MPP4: variants seen among roughly 807,000 people sequenced by gnomAD.
The protein encoded by MPP4 is MAGUK p55 subfamily member 4.
A neutral mutation model predicts 98.3 loss-of-function variants in MPP4; 91 were observed. That is an observed-to-expected ratio of 0.93 (90% CI 0.78 to 1.10). The LOEUF (loss-of-function observed/expected upper bound fraction) is 1.10. Ranked by LOEUF, MPP4 falls within the 50% of genes least tolerant of loss-of-function variation. The probability of loss-of-function intolerance (pLI) is 0.00; values close to 1 mark genes in which losing one functional copy is unlikely to be tolerated. For missense variants in MPP4, 744 were observed against 792.9 expected (o/e 0.94, Z 0.74); for synonymous variants, 261 against 271.8 (o/e 0.96, Z 0.39).
At chr2:201,646,513 C>T (rs1233012946) in intron 21 of MPP4, among the ~76,000 whole-genome samples, 1 of 152,072 alleles carries the variant, frequency 6.6e-6, no homozygotes, top group Non-Finnish European at 1.5e-5. Context: ...TACAAAGTGA[C>T]CATACATATG....
At chr2:201,655,018 C>A (rs1453047168) in intron 17 of MPP4, 101 bp from the exon 18 acceptor site, 11 of 720,590 alleles carry the variant, frequency 1.5e-5, no homozygotes, top group Non-Finnish European at 2.2e-5. Context: ...AACTTGAGAG[C>A]AAATATTTTT....
rs536689491 is a variant in MPP4, at chr2:201,689,760, G to A, written c.279+442C>T. Among the ~76,000 whole-genome samples, 138 of 152,200 alleles carry A rather than the reference G, an allele frequency of 9.1e-4. 2 individuals carry two copies. Among genetic ancestry groups the A allele is most frequent in the African/African-American group, 3.1e-3 (129 of 41,536 alleles). On this transcript the variant is annotated intron_variant, in intron 4 of 21. Transcript: ENST00000409474. ...TCCAGAAGAGTGGGTGGGGGTGATC[G>A]GCAGGTGGGGAAGATCGGGAGCTCA... is the stretch of plus-strand genomic sequence containing the variant.
At chr2:201,688,311 G>T (rs576364880) in intron 4 of MPP4, among the ~76,000 whole-genome samples, 1 of 152,356 alleles carries the variant, frequency 6.6e-6, no homozygotes, top group South Asian at 2.1e-4. Flanking sequence ...TTCTCATGGA[G>T]TTTACATTCT....
chr2:201,669,704 A>T (rs1281138884), intron 12 of MPP4, 29 bp downstream of exon 12: 2 of 1,392,796 alleles, frequency 1.4e-6, no homozygotes, highest in Non-Finnish European at 1.9e-6. Context: ...TTTGGAGATA[A>T]GAGTTTTTTC....
chr2:201,673,780 T>C (rs1688414037), intron 11 of MPP4, among the ~76,000 whole-genome samples: 2 of 152,238 alleles, frequency 1.3e-5, no homozygotes, highest in Admixed American at 6.5e-5. Flanking sequence ...ATTTTTGGCT[T>C]GGAGAAGGGA....
chr2:201,696,378 T>C (rs915029654), intron 1 of MPP4, among the ~76,000 whole-genome samples: 1 of 152,108 alleles, frequency 6.6e-6, no homozygotes, highest in Non-Finnish European at 1.5e-5. Context: ...GGGTAGAAAA[T>C]TGAAAAGGGA....
chr2:201,687,247 A>G (rs778124586), intron 5 of MPP4, 44 bp downstream of exon 5: 2 of 1,467,760 alleles, frequency 1.4e-6, no homozygotes, highest in South Asian at 1.2e-5. Flanking sequence ...AACTTTGTCT[A>G]TGTGCCAGAT....
At chr2:201,670,281 T>G (rs1022284088) in intron 11 of MPP4, among the ~76,000 whole-genome samples, 44 of 152,138 alleles carry the variant, frequency 2.9e-4, no homozygotes, top group African/African-American at 8.2e-4. Context: ...CTAATTTTTT[T>G]GGGGGGAGGA....
rs1687530989 is a variant in MPP4 at position 201,645,330 on chromosome 2, C to G, written c.1794G>C (p.Val598=). 1.2e-6 allele frequency: 2 copies of G among 1,613,982 alleles called. No individual in the cohort carries two copies. The highest frequency in any genetic ancestry group is 1.7e-6 in the Non-Finnish European group (2 of 1,179,880). The change falls in exon 22 of 22, where the codon GTG becomes GTC. Residue 598 remains valine (V), a synonymous_variant. Transcript: ENST00000409474. The part of the protein sequence containing the change: ...ETQFGQFFDH[V]IVNDSLHDAC... ...CATCGTGCAAGCTGTCATTCACAAT[C>G]ACATGATCAAAAAATTGGCCAAACT...
At chr2:201,690,927 T>G (rs1369481220) in intron 3 of MPP4, among the ~76,000 whole-genome samples, 1 of 152,206 alleles carries the variant, frequency 6.6e-6, no homozygotes, top group Admixed American at 6.5e-5. Flanking sequence ...CCTGCCTAGC[T>G]CTGCAATGCA....
chr2:201,686,086 C>CT, intron 5 of MPP4, 36 bp from the exon 6 acceptor site: 1 of 1,604,190 alleles, frequency 6.2e-7, no homozygotes, highest in Non-Finnish European at 8.5e-7. Context: ...GCAAATGTCA[C>CT]ACATGGGCCA....
At chr2:201,692,458 C>T (rs949123033) in intron 3 of MPP4, among the ~76,000 whole-genome samples, 10 of 151,024 alleles carry the variant, frequency 6.6e-5, no homozygotes, top group South Asian at 2.1e-4. Flanking sequence ...GCAGGAGAAT[C>T]GCTTGAAGCT....
rs1687536682 is a variant in MPP4 at position 201,645,474 on chromosome 2, A to AT, written c.1720-71dup. The AT allele has an allele frequency of 2.3e-6, 3 of 1,283,652 alleles. No homozygotes were observed. The South Asian group carries it at 5.1e-5, about 22-fold the overall frequency. 79.5% of individuals were successfully genotyped at this position (1,283,652 alleles called of 1,614,324 possible). On this transcript the variant is annotated intron_variant, in intron 21 of 21. Coordinates refer to ENST00000409474, the MANE Select transcript of MPP4 (RefSeq NM_033066.3). Reference sequence around the variant, plus strand: ...ACAAATGGAAAAAATACAGTTTGTTATGCTGTCACATTCAGTTGTGAAACT... The same window carrying AT: ...ACAAATGGAAAAAATACAGTTTGTTATTGCTGTCACATTCAGTTGTGAAACT...
chr2:201,686,454 A>G (rs930547708), intron 5 of MPP4, among the ~76,000 whole-genome samples: 3 of 152,188 alleles, frequency 2.0e-5, no homozygotes, highest in African/African-American at 7.2e-5. Context: ...CAATCAAAAT[A>G]TCTTGCTGGT....
At position 201,680,819 on chromosome 2, in the gene MPP4, G is replaced by C; in HGVS notation, c.929+19C>G. 1 of 1,598,508 alleles carries C rather than the reference G, an allele frequency of 6.3e-7. No individual in the cohort carries two copies. Among genetic ancestry groups the C allele is most frequent in the East Asian group, 2.3e-5 (1 of 44,392 alleles). ...CCTGATGGTTCAGCCCTGAGTCCAG[G>C]AGTGGTGACGTTCCTTACCTCTTCA... On this transcript the variant is annotated intron_variant, in intron 10 of 21. Coordinates refer to ENST00000409474, the MANE Select transcript of MPP4 (RefSeq NM_033066.3).
chr2:201,686,779 C>T (rs1306865368), intron 5 of MPP4, among the ~76,000 whole-genome samples: 10 of 152,234 alleles, frequency 6.6e-5, no homozygotes, highest in African/African-American at 1.7e-4. Flanking sequence ...CAAATACAGA[C>T]ATTGTCTTAA....
Position 201,675,259 on chromosome 2 carries a change from T to A in MPP4, c.942A>T (p.Glu314Asp). The change falls in exon 11 of 22, where the codon GAA becomes GAT. Residue 314 changes from glutamate to aspartate, a missense_variant. Physicochemically the swap from Glu to Asp is conservative, Grantham distance 45. Coordinates refer to ENST00000409474, the MANE Select transcript of MPP4 (RefSeq NM_033066.3). ...GCTGGTACGGCTGAGACCACCAGAA[T>A]TCCCGTTGCTTCCTATGGGGGGGAA... is the stretch of plus-strand genomic sequence containing the variant. ...SNHLLKRKQR[E>D]FWWSQPYQPH... 1.2e-6 allele frequency: 2 copies of A among 1,608,604 alleles called. No homozygotes were observed. Among genetic ancestry groups the A allele is most frequent in the Non-Finnish European group, 1.7e-6 (2 of 1,177,688 alleles).
chr2:201,657,590 GTT>G (rs929926346), intron 16 of MPP4, among the ~76,000 whole-genome samples: 5 of 91,122 alleles, frequency 5.5e-5, no homozygotes, highest in Non-Finnish European at 8.9e-5. Flanking sequence ...CCTGGCCCTT[GTT>G]TTTTTTTTGT....
chr2:201,669,446 GT>G, intron 12 of MPP4, among the ~76,000 whole-genome samples: 2 of 152,158 alleles, frequency 1.3e-5, no homozygotes, highest in Non-Finnish European at 2.9e-5. Flanking sequence ...CATACGCTAT[GT>G]TAAACTCTGG....
Sources: gnomAD v4.1 joint callset for allele counts (sites outside exome capture counted in the v4.1 genomes callset) on GRCh38, gnomAD v4.1.1 for gene constraint, MANE v1.5 for transcripts, NCBI Gene and HGNC (gene_info 2026-07-23, HGNC 2026-07-21) for gene names.